ANKRD28: variants seen among roughly 807,000 people sequenced by gnomAD.
ANKRD28 encodes the protein ankyrin repeat domain 28, also known as serine/threonine-protein phosphatase 6 regulatory ankyrin repeat subunit A.
ANKRD28 carries 44 observed loss-of-function variants against 126.5 expected under a neutral mutation model. The ratio of observed to expected loss-of-function variants is 0.35; its 90% CI spans 0.27 to 0.45. The LOEUF (loss-of-function observed/expected upper bound fraction) is 0.45. Among genes scored for constraint, ANKRD28 ranks in the 20% least tolerant of loss-of-function variants. The pLI is 1.00. For synonymous variants in ANKRD28, 442 were observed against 468.5 expected (o/e 0.94, Z 0.73); for missense variants, 1,110 against 1,316.6 (o/e 0.84, Z 2.43).
chr3:15,724,609 A>T (rs988831773), intron 6 of ANKRD28, 85 bp from the exon 7 acceptor site: 12 of 1,255,536 alleles, frequency 9.6e-6, no homozygotes, highest in African/African-American at 7.6e-5. Context: ...AAGCAAATTT[A>T]AAAAATGCAA....
intron 1 of ANKRD28, among the ~76,000 whole-genome samples, chr3:15,829,579 T>G (rs1168438193): frequency 1.3e-5 from 2 of 152,200 alleles, no homozygotes; most frequent in Non-Finnish European, 2.9e-5. Flanking sequence ...ATATCATATA[T>G]CAGTAATTTG....
At chr3:15,770,057 A>T (rs1357082796) in intron 2 of ANKRD28, among the ~76,000 whole-genome samples, 1 of 151,922 alleles carries the variant, frequency 6.6e-6, no homozygotes, top group Admixed American at 6.6e-5. Flanking sequence ...AAAAAAAGTT[A>T]TGTACCTTAT....
chr3:15,806,524 A>T (rs1190353711), intron 1 of ANKRD28, among the ~76,000 whole-genome samples: 2 of 150,126 alleles, frequency 1.3e-5, no homozygotes, highest in African/African-American at 2.4e-5. Flanking sequence ...CCATCATCAC[A>T]TCTTTTTTTT....
rs1323837899 is a variant in ANKRD28, at chr3:15,817,930, T to C, written c.28-22624A>G. 6.6e-6 allele frequency among the ~76,000 whole-genome samples: 1 copy of C among 152,202 alleles called. No individual in the cohort carries two copies. The highest frequency in any genetic ancestry group is 2.4e-5 in the African/African-American group (1 of 41,446). ...AGAATTAATAAGTTTAGCAAAGTCA[T>C]AGATTACCATTGCTGTTTCTACATA... On this transcript the variant is annotated intron_variant, in intron 1 of 27. Transcript: ENST00000399451. This position sits in a 1 kb window ranked among gnomAD's most constrained non-coding sequence, Gnocchi z 4.5.
At chr3:15,742,169 A>C (rs1225799678) in intron 4 of ANKRD28, among the ~76,000 whole-genome samples, 1 of 151,970 alleles carries the variant, frequency 6.6e-6, no homozygotes, top group Non-Finnish European at 1.5e-5. Context: ...CCCGTCTGGG[A>C]AGTGAGGAGC....
chr3:15,710,838 A>G (rs971710188), intron 12 of ANKRD28, among the ~76,000 whole-genome samples: 6 of 150,774 alleles, frequency 4.0e-5, no homozygotes, highest in African/African-American at 1.5e-4. Flanking sequence ...TTCCTGGGGG[A>G]AAAAAAAATT....
At chr3:15,791,921 T>C (rs1186844179) in intron 2 of ANKRD28, among the ~76,000 whole-genome samples, 2 of 151,990 alleles carry the variant, frequency 1.3e-5, no homozygotes, top group Non-Finnish European at 2.9e-5. Context: ...AATAATCTGA[T>C]AAAAAATGGG....
chr3:15,686,791 C>T (rs1326165413), intron 18 of ANKRD28, among the ~76,000 whole-genome samples: 13 of 152,138 alleles, frequency 8.5e-5, no homozygotes, highest in Non-Finnish European at 1.5e-4. Flanking sequence ...TAATGAAAAG[C>T]CCCCATTCCT....
chr3:15,676,622 C>T (rs562942044), intron 26 of ANKRD28: 1 of 194,612 alleles, frequency 5.1e-6, no homozygotes, highest in Middle Eastern at 2.3e-3. Context: ...TACAGACACA[C>T]ATAAAGCTTC....
At chr3:15,677,934 G>C (rs878943229) in intron 24 of ANKRD28, among the ~76,000 whole-genome samples, 2 of 152,026 alleles carry the variant, frequency 1.3e-5, no homozygotes, top group Non-Finnish European at 2.9e-5. Flanking sequence ...AGGTCATTTA[G>C]CTGAAAGATC....
intron 2 of ANKRD28, 128 bp downstream of exon 2, chr3:15,795,095 C>A (rs2060215213): frequency 1.5e-6 from 1 of 669,312 alleles, no homozygotes; most frequent in Non-Finnish European, 2.6e-6. Flanking sequence ...TGCCTCAATA[C>A]CTTCCTGCCC....
chr3:15,800,637 TTTAGACTCTAGTAAC>T (rs1290929876), upstream of ANKRD28, among the ~76,000 whole-genome samples: 1 of 152,010 alleles, frequency 6.6e-6, no homozygotes, highest in African/African-American at 2.4e-5. Context: ...AAAAGCTCAT[TTTAGACTCTAGTAAC>T]TAGACAAGCA....
At position 15,668,614 on chromosome 3, in the gene ANKRD28, T is replaced by C. The variant is rs762027477; in HGVS notation, c.*1656A>G. 9.8e-5 allele frequency: 15 copies of C among 152,558 alleles called. No homozygotes were observed. The highest frequency in any genetic ancestry group is 2.1e-4 in the Non-Finnish European group (14 of 68,004). The allele number at this position is 152,558 out of a possible 1,614,324, so 9.5% of individuals were successfully genotyped here. On this transcript the variant is annotated 3_prime_UTR_variant, in exon 28 of 28. Transcript: ENST00000683139. ...AAATACATTATTCATTAAATACAAC[T>C]CACATCTGTGTTTTATTATACTCTA... is the stretch of plus-strand genomic sequence containing the variant.
At chr3:15,818,710 T>C (rs2060883740) in intron 1 of ANKRD28, among the ~76,000 whole-genome samples, 1 of 152,186 alleles carries the variant, frequency 6.6e-6, no homozygotes, top group Admixed American at 6.5e-5. Flanking sequence ...TTTTGGACCA[T>C]AATTGACTGC....
intron 1 of ANKRD28, among the ~76,000 whole-genome samples, chr3:15,826,923 C>T (rs78228966): frequency 0.019 from 2,930 of 152,252 alleles, 98 homozygotes; most frequent in African/African-American, 0.066. Context: ...TATGCAAGTA[C>T]GGTATGCCTG....
At chr3:15,713,852 A>C (rs769499735) in intron 9 of ANKRD28, among the ~76,000 whole-genome samples, 1 of 152,216 alleles carries the variant, frequency 6.6e-6, no homozygotes. Flanking sequence ...ATAAGATTTT[A>C]GTAGATTTTT....
At chr3:15,777,849 T>TACACACACACACACACACACACAC (rs569761948) in intron 2 of ANKRD28, among the ~76,000 whole-genome samples, 10 of 106,136 alleles carry the variant, frequency 9.4e-5, no homozygotes, top group Middle Eastern at 5.1e-3. Flanking sequence ...AAAACCAAAC[T>TACACACACACACACACACACACAC]ACACACACAC....
intron 10 of ANKRD28, among the ~76,000 whole-genome samples, chr3:15,712,431 A>G (rs917912624): frequency 2.0e-5 from 3 of 152,234 alleles, no homozygotes; most frequent in Non-Finnish European, 2.9e-5. Context: ...CACCTTCAGC[A>G]CTACTGTCAT....
At chr3:15,857,964 T>G (rs2061811135) in intron 1 of ANKRD28, among the ~76,000 whole-genome samples, 1 of 152,238 alleles carries the variant, frequency 6.6e-6, no homozygotes, top group African/African-American at 2.4e-5. Context: ...TTTCACACTG[T>G]TAAGAGTATA....
Sources: gnomAD v4.1 joint callset for allele counts (sites outside exome capture counted in the v4.1 genomes callset) on GRCh38, gnomAD v4.1.1 for gene constraint, Gnocchi (gnomAD v3.1) non-coding constraint, MANE v1.5 for transcripts, NCBI Gene and HGNC (gene_info 2026-07-23, HGNC 2026-07-21) for gene names.